SLC47A2: variants seen among roughly 807,000 people sequenced by gnomAD.
SLC47A2 encodes the protein multidrug and toxin extrusion protein 2.
Under a neutral mutation model 67.7 loss-of-function variants are expected in SLC47A2, and 52 were observed. The ratio of observed to expected loss-of-function variants is 0.77; its 90% CI spans 0.61 to 0.97. The LOEUF (loss-of-function observed/expected upper bound fraction) is 0.97. Among genes scored for constraint, SLC47A2 ranks in the 50% least tolerant of loss-of-function variants. SLC47A2 has a pLI of 0.00. For synonymous variants in SLC47A2, 278 were observed against 292.9 expected (o/e 0.95, Z 0.52); for missense variants, 676 against 712.3 (o/e 0.95, Z 0.58).
In SLC47A2 at chr17:19,713,824, C is replaced by G. The variant is rs143565415; in HGVS notation, c.443+1G>C. ...ACCTCCCCAGCCGGAGCCCAGCGCA[C>G]CTGGACACGTCCGGGTCCTGCCGGA... On this transcript the variant is annotated splice_donor_variant, in intron 4 of 16. Transcript: ENST00000433844. LOFTEE classifies it high-confidence loss of function. The G allele has an allele frequency of 1.9e-6, 3 of 1,610,540 alleles. No homozygotes were observed. The highest frequency in any genetic ancestry group is 2.7e-5 in the African/African-American group (2 of 75,004).
At chr17:19,706,521 G>A (rs2085939533) in intron 9 of SLC47A2, 127 bp downstream of exon 9, 2 of 703,618 alleles carry the variant, frequency 2.8e-6, no homozygotes, top group Non-Finnish European at 4.5e-6. Context: ...AAGCTGGAAG[G>A]GGGCTGGTGA....
intron 13 of SLC47A2, among the ~76,000 whole-genome samples, chr17:19,682,371 ATTATT>A (rs897101190): frequency 2.1e-3 from 303 of 144,970 alleles, no homozygotes; most frequent in African/African-American, 7.7e-3. Context: ...ACACAAATTT[ATTATT>A]TTATTTTACA....
chr17:19,712,618 A>T (rs1435185776), intron 5 of SLC47A2, 85 bp downstream of exon 5: 2 of 1,428,338 alleles, frequency 1.4e-6, no homozygotes, highest in Non-Finnish European at 1.9e-6. Context: ...CAGGATAGGG[A>T]TCTTCCGCAG....
chr17:19,702,765 A>G (rs1031998619), intron 12 of SLC47A2, 91 bp from the exon 13 acceptor site: 2 of 1,420,728 alleles, frequency 1.4e-6, no homozygotes, highest in African/African-American at 1.4e-5. Context: ...CCCCACAAGA[A>G]AAAGCTTTGG....
intron 13 of SLC47A2, among the ~76,000 whole-genome samples, chr17:19,699,077 G>C (rs911675245): frequency 2.0e-5 from 3 of 152,096 alleles, no homozygotes; most frequent in African/African-American, 7.2e-5. Context: ...GATTCTATTG[G>C]TGAAAGAATA....
chr17:19,702,181 A>G, intron 13 of SLC47A2: 1 of 985,152 alleles, frequency 1.0e-6, no homozygotes, highest in South Asian at 4.7e-5. Context: ...AAAGGAGCAG[A>G]AAGTCCAGTT....
intron 8 of SLC47A2, 42 bp downstream of exon 8, chr17:19,707,704 C>T (rs762690511): frequency 8.0e-5 from 122 of 1,532,058 alleles, no homozygotes; most frequent in Non-Finnish European, 9.7e-5. Flanking sequence ...GCAGCACCAC[C>T]GCTGGCCTGC....
At chr17:19,706,095 C>T (rs917341764) in intron 9 of SLC47A2, among the ~76,000 whole-genome samples, 1 of 152,142 alleles carries the variant, frequency 6.6e-6, no homozygotes, top group Non-Finnish European at 1.5e-5. Flanking sequence ...AACTCGAGTT[C>T]GGTTCTTGGC....
chr17:19,703,073 C>G lies in SLC47A2; in HGVS notation c.1094+19G>C, dbSNP rs770432626. 1.2e-6 allele frequency: 2 copies of G among 1,611,782 alleles called. No individual in the cohort carries two copies. The highest frequency in any genetic ancestry group is 8.5e-7 in the Non-Finnish European group (1 of 1,177,880). On this transcript the variant is annotated intron_variant, in intron 12 of 16. Coordinates refer to ENST00000433844, the MANE Select transcript of SLC47A2 (RefSeq NM_001099646.3). Reference sequence around the variant, plus strand: ...CTTTGACATTTTCCAAGAGTCAGCACAGAAAACTGATTACCTACTCATCAT... The same window carrying G: ...CTTTGACATTTTCCAAGAGTCAGCAGAGAAAACTGATTACCTACTCATCAT...
intron 13 of SLC47A2, among the ~76,000 whole-genome samples, chr17:19,693,973 A>AT (rs2085603096): frequency 6.6e-6 from 1 of 152,218 alleles, no homozygotes; most frequent in Non-Finnish European, 1.5e-5. Context: ...AAATCAATTG[A>AT]TTTTTTATAA....
upstream of SLC47A2, chr17:19,718,230 T>C (rs1463363330): frequency 1.3e-5 from 2 of 152,288 alleles, no homozygotes; most frequent in Non-Finnish European, 2.9e-5. Context: ...AGTCACCTGC[T>C]GGCCTTGGCC....
intron 10 of SLC47A2, chr17:19,705,073 C>T (rs1187080512): frequency 2.9e-6 from 1 of 344,216 alleles, no homozygotes; most frequent in Non-Finnish European, 5.2e-6. Context: ...GATCCGCCCT[C>T]AGCCTCCCAA....
chr17:19,692,171 T>C (rs1445782524), intron 13 of SLC47A2: 2 of 358,122 alleles, frequency 5.6e-6, no homozygotes, highest in Non-Finnish European at 5.3e-6. Flanking sequence ...GAGGTTGAAA[T>C]GAGCCAAGAT....
Position 19,708,717 on chromosome 17 carries a change from T to C in SLC47A2, c.530A>G (p.Gln177Arg). Residue 177 changes from glutamine (Q) to arginine (R), a missense_variant and splice_region_variant, in exon 6 of 17, where the codon CAG becomes CGG. Transcript: ENST00000433844. ...YNLLAKYLQN[Q>R]KITWPQVLSG... is the part of the protein sequence containing the mutation. Reference sequence around the variant, plus strand: ...TCCCCACACACCAAAGACCTGTACCTGATTTTGCAAATATTTTGCCAGCAG... The same window carrying C: ...TCCCCACACACCAAAGACCTGTACCCGATTTTGCAAATATTTTGCCAGCAG... The C allele has an allele frequency of 1.9e-6, 3 of 1,614,014 alleles. No homozygotes were observed. The highest frequency in any genetic ancestry group is 2.5e-6 in the Non-Finnish European group (3 of 1,180,042).
At chr17:19,689,250 C>G (rs550726220) in intron 13 of SLC47A2, among the ~76,000 whole-genome samples, 1 of 152,204 alleles carries the variant, frequency 6.6e-6, no homozygotes, top group African/African-American at 2.4e-5. Flanking sequence ...AAGACCCCCA[C>G]CAAACAACTA....
In SLC47A2 at chr17:19,687,978, T is replaced by C. The variant is rs185999776; in HGVS notation, c.1165-6308A>G. 2.0e-3 allele frequency among the ~76,000 whole-genome samples: 301 copies of C among 152,188 alleles called. 1 individual carries two copies. Among genetic ancestry groups the C allele is most frequent in the African/African-American group, 6.8e-3 (284 of 41,506 alleles). On this transcript the variant is annotated intron_variant, in intron 13 of 16. Transcript: ENST00000433844. Reference sequence around the variant, plus strand: ...TAAACACTTAAAGAACCAATACCAGTCCTATTAAATCTGTTCAAAAAAATA... The same window carrying C: ...TAAACACTTAAAGAACCAATACCAGCCCTATTAAATCTGTTCAAAAAAATA...
chr17:19,685,155 G>GA lies in SLC47A2; in HGVS notation c.1165-3486_1165-3485insT, dbSNP rs1427622615. ...TCTCGCTCACTCAATGCTCAATGTT[G>GA]CCCAGGCTGGAGTGCAGTGGCGTGA... On this transcript the variant is annotated intron_variant, in intron 13 of 16. Coordinates refer to ENST00000433844, the MANE Select transcript of SLC47A2 (RefSeq NM_001099646.3). The surrounding 1 kb of genome is among the most constrained non-coding windows in gnomAD (Gnocchi z 4.5). Among the ~76,000 whole-genome samples the GA allele has an allele frequency of 6.6e-6, 1 of 152,150 alleles. No individual in the cohort carries two copies. The highest frequency in any genetic ancestry group is 1.5e-5 in the Non-Finnish European group (1 of 68,030).
intron 13 of SLC47A2, among the ~76,000 whole-genome samples, chr17:19,696,864 A>G (rs998214325): frequency 6.6e-6 from 1 of 152,232 alleles, no homozygotes; most frequent in Non-Finnish European, 1.5e-5. Context: ...AAGTGACAAC[A>G]TCTGTTGAGG....
At chr17:19,702,470 T>C (rs985364295) in intron 13 of SLC47A2, 135 bp downstream of exon 13, 4 of 1,470,666 alleles carry the variant, frequency 2.7e-6, no homozygotes, top group Non-Finnish European at 3.6e-6. Flanking sequence ...GCAAATACTT[T>C]GGGCACTTAC....
Sources: allele counts gnomAD v4.1 joint callset (sites outside exome capture counted in the v4.1 genomes callset), GRCh38; gene constraint gnomAD v4.1.1; non-coding constraint Gnocchi (gnomAD v3.1); transcripts MANE v1.5; gene names NCBI Gene and HGNC (gene_info 2026-07-23, HGNC 2026-07-21).